The following TDRD10 variants were observed in gnomAD, a reference collection of about 807,000 sequenced individuals.
The protein encoded by TDRD10 is tudor domain containing 10, also known as tudor domain-containing protein 10.
Under a neutral mutation model 48.0 loss-of-function variants are expected in TDRD10, and 40 were observed. The ratio of observed to expected loss-of-function variants is 0.83; its 90% CI spans 0.65 to 1.09. TDRD10 has a LOEUF of 1.09. TDRD10 is among the 50% of genes least tolerant of loss of function. The pLI is 0.00. For missense variants in TDRD10, 378 were observed against 434.7 expected (o/e 0.87, Z 1.16); for synonymous variants, 162 against 170.4 (o/e 0.95, Z 0.38).
At chr1:154,547,033 C>G (rs1695634556) in intron 11 of TDRD10, among the ~76,000 whole-genome samples, 1 of 152,064 alleles carries the variant, frequency 6.6e-6, no homozygotes, top group African/African-American at 2.4e-5. Context: ...GTGCTTGCGT[C>G]TCATGGTGAA....
At chr1:154,525,822 G>A (rs1378354097) in intron 6 of TDRD10, among the ~76,000 whole-genome samples, 3 of 147,390 alleles carry the variant, frequency 2.0e-5, no homozygotes, top group African/African-American at 5.0e-5. Context: ...CTTGAACCCC[G>A]GAGGCGGAGG....
intron 6 of TDRD10, among the ~76,000 whole-genome samples, chr1:154,522,011 C>T (rs549595058): frequency 3.3e-5 from 5 of 152,154 alleles, no homozygotes; most frequent in Middle Eastern, 3.2e-3. Flanking sequence ...GCCCATTCTC[C>T]GTATGCAGAG....
intron 1 of TDRD10, among the ~76,000 whole-genome samples, chr1:154,505,883 G>A (rs764936137): frequency 7.2e-5 from 11 of 152,228 alleles, no homozygotes; most frequent in African/African-American, 2.2e-4. Context: ...CTTTAAGTGC[G>A]GTATCTCACT....
At chr1:154,512,597 G>C (rs1278550466) in intron 4 of TDRD10, among the ~76,000 whole-genome samples, 2 of 152,158 alleles carry the variant, frequency 1.3e-5, no homozygotes, top group Non-Finnish European at 2.9e-5. Flanking sequence ...GCCTGCCTCA[G>C]CCTCCCAAAG....
intron 6 of TDRD10, among the ~76,000 whole-genome samples, chr1:154,538,625 G>A (rs1469463950): frequency 2.6e-5 from 4 of 150,944 alleles, no homozygotes; most frequent in African/African-American, 4.9e-5. Flanking sequence ...AGGCTGAGGC[G>A]GGCGGATCAT....
chr1:154,527,047 A>C (rs1368820127), intron 6 of TDRD10, among the ~76,000 whole-genome samples: 1 of 151,992 alleles, frequency 6.6e-6, no homozygotes, highest in Admixed American at 6.6e-5. Context: ...AGTAGCTGGG[A>C]TTACAGGCAC....
chr1:154,503,651 T>C (rs909544064), intron 1 of TDRD10, among the ~76,000 whole-genome samples: 2 of 152,198 alleles, frequency 1.3e-5, no homozygotes, highest in East Asian at 1.9e-4. Context: ...AATTTAAACT[T>C]AGTTTACTGA....
chr1:154,520,415 C>T, intron 5 of TDRD10, 41 bp downstream of exon 5: 1 of 1,521,434 alleles, frequency 6.6e-7, no homozygotes, highest in South Asian at 1.1e-5. Context: ...GGAAGCAGCT[C>T]CTTTCCTCCC....
chr1:154,513,090 CT>C (rs1693570444), intron 4 of TDRD10, among the ~76,000 whole-genome samples: 1 of 152,154 alleles, frequency 6.6e-6, no homozygotes, highest in Non-Finnish European at 1.5e-5. Context: ...TATTTTTGTT[CT>C]GATTTGAAAG....
At chr1:154,524,602 A>C (rs374660048) in intron 6 of TDRD10, among the ~76,000 whole-genome samples, 1 of 152,178 alleles carries the variant, frequency 6.6e-6, no homozygotes, top group Admixed American at 6.5e-5. Context: ...TATCCTATTA[A>C]GGGTTTTTGT....
At position 154,542,802 on chromosome 1, in the gene TDRD10, G is replaced by T; in HGVS notation, c.484G>T (p.Ala162Ser). The change falls in exon 8 of 13, where the codon GCA (alanine) becomes TCA (serine). Residue 162 changes from alanine (A) to serine (S), a missense_variant. By Grantham distance (99) the Ala-to-Ser change is moderately conservative (BLOSUM62 1). This residue lies in a region of TDRD10 where 310 missense variants were observed against 323.6 expected (regional missense o/e 0.96). Transcript: ENST00000368482. Reference sequence around the variant, plus strand: ...AGAGAAACTGAGGGCAGCCTTCTTTGCAGTCCCGTTGGAAATGAGGTGAGC... The same window carrying T: ...AGAGAAACTGAGGGCAGCCTTCTTTTCAGTCCCGTTGGAAATGAGGTGAGC... The part of the protein sequence containing the change: ...ETEKLRAAFF[A>S]VPLEMRGSFL... The T allele has an allele frequency of 6.2e-7, 1 of 1,613,816 alleles. No individual in the cohort carries two copies.
At position 154,502,550 on chromosome 1, in the gene TDRD10, G is replaced by C. The variant is rs1334975545; in HGVS notation, c.-507G>C. On this transcript the variant is annotated 5_prime_UTR_variant, in exon 1 of 13. Transcript: ENST00000368482. ...ATGGCAGAGGCGGGTCGGGCTGCGA[G>C]CTCTGGAGAAAGGGGCGGCGGCCGC... 6.6e-6 allele frequency: 1 copy of C among 152,258 alleles called. No homozygotes were observed. Among genetic ancestry groups the C allele is most frequent in the African/African-American group, 2.4e-5 (1 of 41,442 alleles). The allele number at this position is 152,258 out of a possible 1,614,324, so 9.4% of individuals were successfully genotyped here.
At chr1:154,541,250 TCCATGCAG>T (rs1303041448) in intron 6 of TDRD10, among the ~76,000 whole-genome samples, 11 of 140,972 alleles carry the variant, frequency 7.8e-5, no homozygotes, top group Non-Finnish European at 4.5e-5. Flanking sequence ...AGGGAGCAGG[TCCATGCAG>T]GGGAGGGATG....
At chr1:154,535,862 C>T (rs182927703) in intron 6 of TDRD10, among the ~76,000 whole-genome samples, 1 of 152,224 alleles carries the variant, frequency 6.6e-6, no homozygotes, top group East Asian at 1.9e-4. Flanking sequence ...AGAGGCTTCC[C>T]AGATTGGCCA....
intron 4 of TDRD10, among the ~76,000 whole-genome samples, chr1:154,514,740 T>C (rs187737383): frequency 2.0e-5 from 3 of 152,178 alleles, no homozygotes; most frequent in Admixed American, 2.0e-4. Flanking sequence ...CAGGCTGGAG[T>C]GCAGTGGTGC....
At chr1:154,510,339 T>C (rs531881438) in intron 4 of TDRD10, among the ~76,000 whole-genome samples, 82 of 152,050 alleles carry the variant, frequency 5.4e-4, no homozygotes, top group Non-Finnish European at 1.1e-3. Flanking sequence ...ATGCCTGTAA[T>C]CCCAGCACTT....
At chr1:154,517,186 A>G (rs754927747) in intron 4 of TDRD10, among the ~76,000 whole-genome samples, 4 of 152,152 alleles carry the variant, frequency 2.6e-5, no homozygotes, top group African/African-American at 9.7e-5. Context: ...TGTCTGGGGT[A>G]TGCCCTGGAA....
chr1:154,517,431 T>A (rs1693830823), intron 4 of TDRD10, among the ~76,000 whole-genome samples: 1 of 151,830 alleles, frequency 6.6e-6, no homozygotes, highest in South Asian at 2.1e-4. Flanking sequence ...TTTTTTTTTT[T>A]TTTTTTTGAG....
At chr1:154,547,537 C>T (rs779628604) in intron 12 of TDRD10, 58 bp downstream of exon 12, 52 of 1,614,104 alleles carry the variant, frequency 3.2e-5, no homozygotes, top group Non-Finnish European at 4.3e-5. Context: ...CTTGGGGTGT[C>T]TGCAGCAGGC....
Sources: gnomAD v4.1 joint callset for allele counts (sites outside exome capture counted in the v4.1 genomes callset) on GRCh38, gnomAD v4.1.1 for gene constraint, gnomAD v4.1.1 regional missense constraint, MANE v1.5 for transcripts, NCBI Gene and HGNC (gene_info 2026-07-23, HGNC 2026-07-21) for gene names.